The following LHCGR variants were observed in gnomAD, a reference collection of about 807,000 sequenced individuals.
The protein encoded by LHCGR is luteinizing hormone/choriogonadotropin receptor, also known as lutropin-choriogonadotropic hormone receptor.
Under a neutral mutation model 60.7 loss-of-function variants are expected in LHCGR, and 55 were observed. The observed-to-expected ratio is 0.91, with a 90% confidence interval of 0.73 to 1.13. LHCGR has a LOEUF of 1.13. LHCGR is among the 50% of genes most tolerant of loss of function. LHCGR has a pLI of 0.00. For missense variants in LHCGR, 862 were observed against 836.0 expected, an observed-to-expected ratio of 1.03 and a Z score of -0.38; for synonymous variants, 337 against 316.5, an observed-to-expected ratio of 1.06 and a Z score of -0.69.
intron 2 of LHCGR, 36 bp downstream of exon 2, chr2:48,731,191 T>C (rs772845638): frequency 7.2e-7 from 1 of 1,385,614 alleles, no homozygotes; most frequent in Non-Finnish European, 1.0e-6. Flanking sequence ...ATTATTCCAA[T>C]TACGAATGTC....
intron 10 of LHCGR, among the ~76,000 whole-genome samples, chr2:48,690,786 C>T (rs1488104182): frequency 2.0e-5 from 3 of 152,190 alleles, no homozygotes; most frequent in Non-Finnish European, 2.9e-5. Context: ...ATTATCAAAA[C>T]CTATTGCAAT....
chr2:48,717,491 T>C (rs1668302846), intron 6 of LHCGR, among the ~76,000 whole-genome samples: 1 of 152,190 alleles, frequency 6.6e-6, no homozygotes. Flanking sequence ...AAATATATGT[T>C]AAACATTTAT....
At chr2:48,694,940 A>T (rs1327173186) in intron 9 of LHCGR, among the ~76,000 whole-genome samples, 1 of 152,098 alleles carries the variant, frequency 6.6e-6, no homozygotes, top group Non-Finnish European at 1.5e-5. Context: ...CAAATGAATA[A>T]AGAAATAGGG....
intron 1 of LHCGR, among the ~76,000 whole-genome samples, chr2:48,754,195 A>G (rs1670104068): frequency 6.6e-6 from 1 of 152,040 alleles, no homozygotes; most frequent in Non-Finnish European, 1.5e-5. Context: ...AAACCCCTCA[A>G]CCCTTTAACT....
chr2:48,707,502 C>A (rs891167771), intron 8 of LHCGR, among the ~76,000 whole-genome samples: 3 of 152,252 alleles, frequency 2.0e-5, no homozygotes, highest in African/African-American at 7.2e-5. Context: ...ACAGCTGCCC[C>A]TTCCCCTAGG....
At chr2:48,693,801 G>C (rs1204130624) in intron 10 of LHCGR, among the ~76,000 whole-genome samples, 3 of 152,160 alleles carry the variant, frequency 2.0e-5, no homozygotes, top group African/African-American at 7.2e-5. Context: ...CATAGTTGTC[G>C]AGGTAGCCTA....
At chr2:48,729,373 A>C (rs11897846) in intron 2 of LHCGR, 146 bp from the exon 3 acceptor site, 2 of 704,648 alleles carry the variant, frequency 2.8e-6, no homozygotes, top group East Asian at 2.7e-5. Context: ...GTTGTCCCCA[A>C]ATCATACAGT....
chr2:48,753,102 C>T (rs1414674515), intron 1 of LHCGR, among the ~76,000 whole-genome samples: 1 of 150,950 alleles, frequency 6.6e-6, no homozygotes, highest in African/African-American at 2.4e-5. Context: ...CTTTAGTATG[C>T]ATCAGAATCA....
intron 1 of LHCGR, among the ~76,000 whole-genome samples, chr2:48,735,049 T>C (rs1245074979): frequency 3.9e-5 from 6 of 152,252 alleles, no homozygotes; most frequent in African/African-American, 7.2e-5. Flanking sequence ...TTAAATAAAT[T>C]GATGAGGCAA....
chr2:48,737,707 G>A (rs1442471510), intron 1 of LHCGR, among the ~76,000 whole-genome samples: 1 of 152,184 alleles, frequency 6.6e-6, no homozygotes, highest in African/African-American at 2.4e-5. Flanking sequence ...CAGTATAGAT[G>A]AACATCCAAT....
chr2:48,751,061 T>C lies in LHCGR; in HGVS notation c.161+4450A>G, dbSNP rs547591655. Among the ~76,000 whole-genome samples, 6 of 152,104 alleles carry C rather than the reference T, an allele frequency of 3.9e-5. No individual in the cohort carries two copies. The South Asian group carries it at 1.2e-3, about 32-fold the overall frequency. ...ATGGTGAGATATGTACAAAAATATATGTAAGCCCAGGATATTGAAGTGAGT... is the reference window on the plus strand; with the variant it reads ...ATGGTGAGATATGTACAAAAATATACGTAAGCCCAGGATATTGAAGTGAGT... On this transcript the variant is annotated intron_variant, in intron 1 of 10. Transcript: ENST00000294954.
chr2:48,729,199 T>C lies in LHCGR; in HGVS notation c.262A>G (p.Arg88Gly). The C allele has an allele frequency of 4.3e-6, 7 of 1,611,458 alleles. No individual in the cohort carries two copies. The highest frequency in any genetic ancestry group is 5.9e-6 in the Non-Finnish European group (7 of 1,178,542). Reference protein sequence around the residue: ...IEISQIDSLERIEANAFDNLL... With the variant: ...IEISQIDSLEGIEANAFDNLL... ...TTGTCAAAGGCATTAGCTTCTATCC[T>C]TTCCAGGGAATCAATCTGAGAGATT... Residue 88 changes from arginine (R) to glycine (G), a missense_variant, in exon 3 of 11, where the codon AGG becomes GGG. Arg to Gly is a moderately radical substitution (Grantham distance 125). Coordinates refer to ENST00000294954, the MANE Select transcript of LHCGR (RefSeq NM_000233.4).
chr2:48,715,944 C>T (rs972183255), intron 6 of LHCGR, among the ~76,000 whole-genome samples: 6 of 152,138 alleles, frequency 3.9e-5, no homozygotes, highest in African/African-American at 1.4e-4. Context: ...AGTCAATAGC[C>T]TGAGTAAAGC....
At chr2:48,745,172 C>T (rs1027428819) in intron 1 of LHCGR, among the ~76,000 whole-genome samples, 9 of 152,088 alleles carry the variant, frequency 5.9e-5, no homozygotes, top group African/African-American at 9.7e-5. Context: ...GTTAGAATGG[C>T]GATCATTAAA....
chr2:48,731,199 G>A, intron 2 of LHCGR, 28 bp downstream of exon 2: 7 of 1,437,282 alleles, frequency 4.9e-6, no homozygotes, highest in Non-Finnish European at 6.9e-6. Context: ...AATTACGAAT[G>A]TCTTTTGATA....
chr2:48,746,460 A>G (rs1159824677), intron 1 of LHCGR, among the ~76,000 whole-genome samples: 1 of 152,226 alleles, frequency 6.6e-6, no homozygotes, highest in African/African-American at 2.4e-5. Flanking sequence ...TCAACTCTAG[A>G]GAGCCACTCT....
intron 10 of LHCGR, among the ~76,000 whole-genome samples, chr2:48,690,292 C>G (rs1042768188): frequency 2.6e-5 from 4 of 152,218 alleles, no homozygotes; most frequent in African/African-American, 9.6e-5. Context: ...CTGCAGAATT[C>G]AGAGAATGGG....
intron 4 of LHCGR, among the ~76,000 whole-genome samples, chr2:48,725,073 G>A (rs1558865543): frequency 6.6e-6 from 1 of 152,122 alleles, no homozygotes; most frequent in East Asian, 1.9e-4. Flanking sequence ...TAGTTTTCAG[G>A]AATTTTGGTA....
chr2:48,693,204 C>A (rs1350464892), intron 10 of LHCGR, among the ~76,000 whole-genome samples: 11 of 152,120 alleles, frequency 7.2e-5, no homozygotes, highest in Admixed American at 6.6e-4. Context: ...GGTGCCAGAC[C>A]TACTGCGAGA....
Sources: gnomAD v4.1 joint callset for allele counts (sites outside exome capture counted in the v4.1 genomes callset) on GRCh38, gnomAD v4.1.1 for gene constraint, MANE v1.5 for transcripts, NCBI Gene and HGNC (gene_info 2026-07-23, HGNC 2026-07-21) for gene names.